Variants in GSG1L observed in about 807,000 individuals in gnomAD.
GSG1L encodes the protein germ cell-specific gene 1-like protein.
Under a neutral mutation model 42.1 loss-of-function variants are expected in GSG1L, and 24 were observed. That is an observed-to-expected ratio of 0.57 (90% confidence interval 0.41 to 0.80). The LOEUF (loss-of-function observed/expected upper bound fraction) is 0.80. GSG1L is among the 30% of genes least tolerant of loss of function. The pLI is 0.00. For missense variants in GSG1L, 445 were observed against 472.2 expected (o/e 0.94, Z 0.53); for synonymous variants, 215 against 203.5 (o/e 1.06, Z -0.48).
rs1264709085 is a variant in GSG1L at position 28,059,375 on chromosome 16, T to C, written c.349+3701A>G. 2.0e-5 allele frequency among the ~76,000 whole-genome samples: 3 copies of C among 152,006 alleles called. No homozygotes were observed. The highest frequency in any genetic ancestry group is 7.2e-5 in the African/African-American group (3 of 41,386). Reference sequence around the variant, plus strand: ...CTGGGTCCTGCATGGGTCTTCTGGCTTCACACCCACCCCGTCACCACCCAG... The same window carrying C: ...CTGGGTCCTGCATGGGTCTTCTGGCCTCACACCCACCCCGTCACCACCCAG... On this transcript the variant is annotated intron_variant, in intron 1 of 6. Coordinates refer to ENST00000447459, the MANE Select transcript of GSG1L (RefSeq NM_001109763.2). The surrounding 1 kb of genome is among the most constrained non-coding windows in gnomAD (Gnocchi z 4.4).
intron 3 of GSG1L, among the ~76,000 whole-genome samples, chr16:27,868,210 C>T (rs2083756947): frequency 1.3e-5 from 2 of 152,284 alleles, no homozygotes; most frequent in East Asian, 1.9e-4. Flanking sequence ...AATGGCCAGC[C>T]GGGAAGGGGA....
chr16:27,789,652 G>A lies in GSG1L; in HGVS notation c.*1718C>T, dbSNP rs2082729543. On this transcript the variant is annotated 3_prime_UTR_variant, in exon 7 of 7. Coordinates refer to ENST00000447459, the MANE Select transcript of GSG1L (RefSeq NM_001109763.2). Reference sequence around the variant, plus strand: ...GCTAACGAATGGGTGGATGGATGATGAATGGATGGATGAAAGCATAGACAA... The same window carrying A: ...GCTAACGAATGGGTGGATGGATGATAAATGGATGGATGAAAGCATAGACAA... The A allele has an allele frequency of 6.6e-6, 1 of 151,352 alleles. No individual in the cohort carries two copies. Among genetic ancestry groups the A allele is most frequent in the South Asian group, 2.1e-4 (1 of 4,736 alleles). 9.4% of individuals were successfully genotyped at this position (151,352 alleles called of 1,614,324 possible).
intron 5 of GSG1L, among the ~76,000 whole-genome samples, chr16:27,808,140 A>G (rs554542970): frequency 6.6e-6 from 1 of 151,436 alleles, no homozygotes; most frequent in South Asian, 2.1e-4. Context: ...GCTGGAGTGT[A>G]GTAGCACAAT....
At chr16:27,922,169 C>T (rs191092434) in intron 2 of GSG1L, among the ~76,000 whole-genome samples, 1 of 152,066 alleles carries the variant, frequency 6.6e-6, no homozygotes, top group Admixed American at 6.6e-5. Flanking sequence ...TGACTTATTT[C>T]TCTCTCCTCT....
In GSG1L at chr16:27,884,288, T is replaced by C. The variant is rs2083999662; in HGVS notation, c.550+198A>G. Among the ~76,000 whole-genome samples, 1 of 152,238 alleles carries C rather than the reference T, an allele frequency of 6.6e-6. No homozygotes were observed. The highest frequency in any genetic ancestry group is 2.1e-4 in the South Asian group (1 of 4,832). On this transcript the variant is annotated intron_variant, in intron 3 of 6. Coordinates refer to ENST00000447459, the MANE Select transcript of GSG1L (RefSeq NM_001109763.2). The surrounding 1 kb of genome is among the most constrained non-coding windows in gnomAD (Gnocchi z 4.4). ...CTTTTGCTCATTACTATAGCCTTAG[T>C]ACCTGGTCTGGTGCTTAGCATGTAT...
intron 2 of GSG1L, among the ~76,000 whole-genome samples, chr16:27,918,067 C>T (rs1312976566): frequency 2.0e-5 from 3 of 152,212 alleles, no homozygotes; most frequent in African/African-American, 2.4e-5. Flanking sequence ...CCTAGACCCA[C>T]ATCCAACCAC....
At chr16:28,009,603 A>C (rs2141154480) in intron 1 of GSG1L, among the ~76,000 whole-genome samples, 1 of 152,068 alleles carries the variant, frequency 6.6e-6, no homozygotes, top group South Asian at 2.1e-4. Flanking sequence ...CTGTGTCATT[A>C]CCCCCGTCTC....
chr16:27,950,844 C>T (rs965039566), intron 2 of GSG1L, among the ~76,000 whole-genome samples: 4 of 152,096 alleles, frequency 2.6e-5, no homozygotes, highest in Non-Finnish European at 4.4e-5. Flanking sequence ...CCCTCATGCA[C>T]GAGAAGGAAT....
At chr16:27,843,794 A>C (rs540618662) in intron 4 of GSG1L, among the ~76,000 whole-genome samples, 122 of 152,334 alleles carry the variant, frequency 8.0e-4, no homozygotes, top group African/African-American at 2.7e-3. Flanking sequence ...GGCTTGGTCA[A>C]ACTAAGGGAA....
intron 6 of GSG1L, among the ~76,000 whole-genome samples, chr16:27,800,119 A>G (rs1292765565): frequency 6.6e-6 from 1 of 152,130 alleles, no homozygotes; most frequent in Non-Finnish European, 1.5e-5. Flanking sequence ...GAGGTCTCAG[A>G]TGTCTGCAAG....
chr16:27,976,029 C>T (rs1038779759), intron 1 of GSG1L, among the ~76,000 whole-genome samples: 1 of 152,184 alleles, frequency 6.6e-6, no homozygotes, highest in Non-Finnish European at 1.5e-5. Context: ...AATCTCAGCA[C>T]TTTTGGAGGC....
chr16:28,062,957 C>A (rs2086359988), intron 1 of GSG1L, 119 bp downstream of exon 1: 14 of 1,186,842 alleles, frequency 1.2e-5, no homozygotes, highest in Non-Finnish European at 1.5e-5. Context: ...CCAGGCGGAG[C>A]GCTGGGAGCT....
chr16:27,998,108 C>T (rs2085538797), intron 1 of GSG1L, among the ~76,000 whole-genome samples: 1 of 152,070 alleles, frequency 6.6e-6, no homozygotes, highest in Non-Finnish European at 1.5e-5. Flanking sequence ...CCACCCACCT[C>T]GGCCACCCAA....
Position 27,868,842 on chromosome 16 carries a change from T to C in GSG1L, c.550+15644A>G, listed in dbSNP as rs149653723. 3.4e-3 allele frequency among the ~76,000 whole-genome samples: 510 copies of C among 152,166 alleles called. 3 individuals carry two copies. The highest frequency in any genetic ancestry group is 0.012 in the African/African-American group (487 of 41,520). On this transcript the variant is annotated intron_variant, in intron 3 of 6. Transcript: ENST00000447459. ...CTGCCCTCTGCCATAGCTCCTGCAA[T>C]ATCCCCAGCTCGCTCACTCATCCAC...
chr16:28,017,767 A>G (rs2085796937), intron 1 of GSG1L, among the ~76,000 whole-genome samples: 1 of 152,236 alleles, frequency 6.6e-6, no homozygotes, highest in Non-Finnish European at 1.5e-5. Flanking sequence ...GATGAAATTC[A>G]AGGACAGGCA....
chr16:27,796,179 T>C (rs1015556986), intron 6 of GSG1L, among the ~76,000 whole-genome samples: 19 of 152,170 alleles, frequency 1.2e-4, no homozygotes, highest in African/African-American at 4.1e-4. Flanking sequence ...TTCCGGCCAA[T>C]CACCCAGCCG....
At chr16:28,008,273 T>C (rs1411161817) in intron 1 of GSG1L, among the ~76,000 whole-genome samples, 1 of 152,038 alleles carries the variant, frequency 6.6e-6, no homozygotes, top group Non-Finnish European at 1.5e-5. Flanking sequence ...AGAGACAGGG[T>C]TTCACCATGT....
intron 1 of GSG1L, among the ~76,000 whole-genome samples, chr16:27,983,038 C>A (rs2141127434): frequency 6.6e-6 from 1 of 152,268 alleles, no homozygotes; most frequent in Admixed American, 6.5e-5. Context: ...GAGCAGGAAA[C>A]AAACTTCTAT....
chr16:27,869,471 C>T (rs2083774634), intron 3 of GSG1L, among the ~76,000 whole-genome samples: 3 of 151,044 alleles, frequency 2.0e-5, no homozygotes, highest in South Asian at 4.2e-4. Flanking sequence ...CTCTCTGTCT[C>T]CCTCCATCTC....
Sources: gnomAD v4.1 joint callset for allele counts (sites outside exome capture counted in the v4.1 genomes callset) on GRCh38, gnomAD v4.1.1 for gene constraint, Gnocchi (gnomAD v3.1) non-coding constraint, MANE v1.5 for transcripts, NCBI Gene and HGNC (gene_info 2026-07-23, HGNC 2026-07-21) for gene names.